SCCPDH: variants seen among roughly 807,000 people sequenced by gnomAD.
SCCPDH encodes the protein saccharopine dehydrogenase (putative).
In SCCPDH, 34 loss-of-function variants were observed where a neutral mutation model predicts 51.5. The observed-to-expected ratio is 0.66, with a 90% CI of 0.50 to 0.88. The LOEUF is 0.88. Ranked by LOEUF, SCCPDH falls within the 40% of genes least tolerant of loss-of-function variation. The pLI is 0.00. For synonymous variants in SCCPDH, 187 were observed against 191.3 expected, an observed-to-expected ratio of 0.98 and a Z score of 0.19; for missense variants, 464 against 527.1, an observed-to-expected ratio of 0.88 and a Z score of 1.17.
At chr1:246,752,579 G>A (rs538776335) in intron 5 of SCCPDH, among the ~76,000 whole-genome samples, 2 of 152,140 alleles carry the variant, frequency 1.3e-5, no homozygotes, top group African/African-American at 4.8e-5. Flanking sequence ...AAGGAATAGG[G>A]TATTGCTTTC....
At chr1:246,754,802 T>A (rs2102988836) in intron 5 of SCCPDH, among the ~76,000 whole-genome samples, 1 of 152,370 alleles carries the variant, frequency 6.6e-6, no homozygotes, top group South Asian at 2.1e-4. Flanking sequence ...CCCTCTTTTA[T>A]TCCTGATTTT....
At chr1:246,754,143 G>A (rs908176945) in intron 5 of SCCPDH, among the ~76,000 whole-genome samples, 1 of 150,746 alleles carries the variant, frequency 6.6e-6, no homozygotes, top group African/African-American at 2.4e-5. Context: ...TTCAACCCCC[G>A]CAGAGTATCC....
chr1:246,727,816 A>G (rs1472688472), intron 2 of SCCPDH, among the ~76,000 whole-genome samples: 1 of 152,016 alleles, frequency 6.6e-6, no homozygotes, highest in Non-Finnish European at 1.5e-5. Context: ...CATGGCAGAG[A>G]GGTGGAGAGT....
rs750298900 is a variant in SCCPDH, at chr1:246,758,282, G to C, written c.621G>C (p.Gln207His). 1.2e-5 allele frequency: 19 copies of C among 1,609,822 alleles called. No individual in the cohort carries two copies. The highest frequency in any genetic ancestry group is 1.5e-5 in the Non-Finnish European group (18 of 1,177,642). ...WKSAIYGFGD[Q>H]SNLRKLRNVS... ...CAGCAATTTATGGTTTTGGAGATCA[G>C]AGTAATTTGAGAAAACTAAGAAATG... The change falls in exon 6 of 12, where the codon CAG becomes CAC. Residue 207 changes from glutamine to histidine, a missense_variant. Coordinates refer to ENST00000366510, the MANE Select transcript of SCCPDH (RefSeq NM_016002.3).
chr1:246,738,102 A>G (rs577397128), intron 3 of SCCPDH, among the ~76,000 whole-genome samples: 17 of 152,266 alleles, frequency 1.1e-4, no homozygotes, highest in East Asian at 5.8e-4. Flanking sequence ...AGGCTGAGGC[A>G]TGAGAATCAC....
intron 5 of SCCPDH, among the ~76,000 whole-genome samples, chr1:246,752,420 C>T (rs905668008): frequency 1.3e-5 from 2 of 152,118 alleles, no homozygotes; most frequent in African/African-American, 2.4e-5. Context: ...ATTAATAGCT[C>T]TAAGTTCTTG....
At chr1:246,735,952 C>A in intron 2 of SCCPDH, 23 bp from the exon 3 acceptor site, 1 of 1,510,746 alleles carries the variant, frequency 6.6e-7, no homozygotes. Flanking sequence ...AGAATAACCT[C>A]TTTGTTCTTT....
At chr1:246,761,505 A>G (rs1304672890) in intron 9 of SCCPDH, among the ~76,000 whole-genome samples, 2 of 152,178 alleles carry the variant, frequency 1.3e-5, no homozygotes, top group Non-Finnish European at 2.9e-5. Flanking sequence ...TGTCCAGAAC[A>G]CTTTTCATCT....
At chr1:246,725,500 C>T (rs1668382797) in intron 1 of SCCPDH, among the ~76,000 whole-genome samples, 1 of 151,988 alleles carries the variant, frequency 6.6e-6, no homozygotes, top group Non-Finnish European at 1.5e-5. Context: ...CGTAGATTTC[C>T]CTTATACAGA....
At chr1:246,765,787 T>C (rs181758381) in intron 10 of SCCPDH, among the ~76,000 whole-genome samples, 39 of 152,348 alleles carry the variant, frequency 2.6e-4, no homozygotes, top group African/African-American at 7.9e-4. Context: ...GACAAGTCAC[T>C]TAACCTCTCT....
At chr1:246,745,141 C>T (rs1021757634) in intron 5 of SCCPDH, among the ~76,000 whole-genome samples, 9 of 152,184 alleles carry the variant, frequency 5.9e-5, no homozygotes, top group Non-Finnish European at 1.0e-4. Flanking sequence ...TCTAGTCTTA[C>T]TGAATCTACA....
At chr1:246,736,489 C>T (rs750571565) in intron 3 of SCCPDH, among the ~76,000 whole-genome samples, 2 of 152,092 alleles carry the variant, frequency 1.3e-5, no homozygotes, top group African/African-American at 2.4e-5. Flanking sequence ...ATCATGAGGT[C>T]AGGAGATCGA....
At chr1:246,731,256 A>G (rs1042515102) in intron 2 of SCCPDH, among the ~76,000 whole-genome samples, 3 of 152,244 alleles carry the variant, frequency 2.0e-5, no homozygotes, top group African/African-American at 7.2e-5. Context: ...TAAGTTAGTG[A>G]GAAGTCTCAA....
chr1:246,727,394 T>TA (rs1335376784), intron 2 of SCCPDH, among the ~76,000 whole-genome samples: 1 of 151,510 alleles, frequency 6.6e-6, no homozygotes, highest in Non-Finnish European at 1.5e-5. Flanking sequence ...AAAAGAAGAC[T>TA]AAAAAACGAC....
At chr1:246,747,931 C>A (rs961717294) in intron 5 of SCCPDH, among the ~76,000 whole-genome samples, 1 of 152,028 alleles carries the variant, frequency 6.6e-6, no homozygotes, top group Admixed American at 6.5e-5. Flanking sequence ...AACAGGGGAG[C>A]GGAACATAAC....
At chr1:246,762,314 T>C (rs1669028018) in intron 9 of SCCPDH, among the ~76,000 whole-genome samples, 2 of 152,210 alleles carry the variant, frequency 1.3e-5, no homozygotes, top group Non-Finnish European at 2.9e-5. Flanking sequence ...TGTTATTCTT[T>C]GGGTTGCCGT....
chr1:246,747,524 A>C (rs552691240), intron 5 of SCCPDH, among the ~76,000 whole-genome samples: 1 of 152,242 alleles, frequency 6.6e-6, no homozygotes, highest in East Asian at 1.9e-4. Context: ...TCAGTGCCGC[A>C]AAAGAAATAG....
At chr1:246,738,244 G>A (rs1668627552) in intron 3 of SCCPDH, among the ~76,000 whole-genome samples, 1 of 151,896 alleles carries the variant, frequency 6.6e-6, no homozygotes, top group Admixed American at 6.6e-5. Flanking sequence ...TGGGTGCGGT[G>A]GCTCACACCT....
Position 246,740,195 on chromosome 1 carries a change from G to C in SCCPDH, c.408G>C (p.Lys136Asn), listed in dbSNP as rs779693166. ...EPQFLELMQL[K>N]YHEKAADKGV... ...AGTTTCTGGAACTAATGCAACTGAAGTATCATGAGAAAGCTGCAGACAAAG... is the reference window on the plus strand; with the variant it reads ...AGTTTCTGGAACTAATGCAACTGAACTATCATGAGAAAGCTGCAGACAAAG... The change falls in exon 4 of 12, where the codon AAG (lysine) becomes AAC (asparagine). Residue 136 changes from lysine (K) to asparagine (N), a missense_variant. Transcript: ENST00000366510. The C allele has an allele frequency of 6.3e-7, 1 of 1,598,938 alleles. No homozygotes were observed. Among genetic ancestry groups the C allele is most frequent in the Non-Finnish European group, 8.5e-7 (1 of 1,170,252 alleles).
Sources: gnomAD v4.1 joint callset for allele counts (sites outside exome capture counted in the v4.1 genomes callset) on GRCh38, gnomAD v4.1.1 for gene constraint, MANE v1.5 for transcripts, NCBI Gene and HGNC (gene_info 2026-07-23, HGNC 2026-07-21) for gene names.